DENND4C: variants seen among roughly 807,000 people sequenced by gnomAD.
DENND4C encodes the protein DENN domain-containing protein 4C.
DENND4C carries 108 observed loss-of-function variants against 203.0 expected under a neutral mutation model. The observed-to-expected ratio is 0.53, with a 90% CI of 0.46 to 0.62. DENND4C has a LOEUF of 0.62. Ranked by LOEUF, DENND4C falls within the 20% of genes least tolerant of loss-of-function variation. DENND4C has a pLI of 0.00. For synonymous variants in DENND4C, 871 were observed against 792.4 expected (o/e 1.10, Z -1.67); for missense variants, 2,481 against 2,301.2 (o/e 1.08, Z -1.60).
intron 10 of DENND4C, among the ~76,000 whole-genome samples, chr9:19,313,839 G>A (rs1242605090): frequency 6.6e-6 from 1 of 152,166 alleles, no homozygotes; most frequent in Non-Finnish European, 1.5e-5. Flanking sequence ...CAGGCATATA[G>A]TAATGAATTC....
intron 9 of DENND4C, among the ~76,000 whole-genome samples, chr9:19,304,541 A>AT (rs1277125184): frequency 1.5e-3 from 200 of 131,156 alleles, no homozygotes; most frequent in Middle Eastern, 4.7e-3. Context: ...AGAGTTACGA[A>AT]TTTTTTTTTT....
At chr9:19,357,185 A>G in intron 27 of DENND4C, 31 bp downstream of exon 27, 1 of 1,609,090 alleles carries the variant, frequency 6.2e-7, no homozygotes, top group South Asian at 1.1e-5. Context: ...CTCTTTATGT[A>G]GTAATAAATG....
intron 1 of DENND4C, among the ~76,000 whole-genome samples, chr9:19,242,101 C>G (rs770819219): frequency 2.6e-5 from 4 of 152,256 alleles, no homozygotes; most frequent in African/African-American, 7.2e-5. Flanking sequence ...TCCCCAAGCC[C>G]TTGGCAACTA....
chr9:19,276,684 T>C, intron 2 of DENND4C: 1 of 367,866 alleles, frequency 2.7e-6, no homozygotes, highest in Non-Finnish European at 4.8e-6. Context: ...TTGCCTTGAA[T>C]TGTTAGATCA....
chr9:19,267,493 C>A (rs918239661), intron 1 of DENND4C, among the ~76,000 whole-genome samples: 1 of 151,914 alleles, frequency 6.6e-6, no homozygotes, highest in Non-Finnish European at 1.5e-5. Context: ...CTGTGTGTAT[C>A]TTTATAGGTG....
intron 27 of DENND4C, chr9:19,357,508 T>C (rs1825675951): frequency 3.9e-6 from 1 of 253,518 alleles, no homozygotes; most frequent in African/African-American, 2.3e-5. Flanking sequence ...TGAGACTCTA[T>C]TGTATGCTAA....
At chr9:19,298,588 C>T (rs769687394) in intron 7 of DENND4C, among the ~76,000 whole-genome samples, 7 of 152,180 alleles carry the variant, frequency 4.6e-5, no homozygotes, top group African/African-American at 1.2e-4. Context: ...GCAACATGAA[C>T]AGGTCTATAT....
rs1823936173 is a variant in DENND4C, at chr9:19,350,772, C to T, written c.4388C>T (p.Pro1463Leu). Residue 1463 changes from proline (P) to leucine (L), a missense_variant, in exon 24 of 33, where the codon CCT (proline) becomes CTT (leucine). Pro to Leu is a moderately conservative substitution (Grantham distance 98). This residue lies in a region of DENND4C where 2,289 missense variants were observed against 2,113.3 expected (regional missense o/e 1.08). Coordinates refer to ENST00000434457, the MANE Select transcript of DENND4C (RefSeq NM_001330640.2). ...CATATTTTGGGGGAGAATATATCGC[C>T]TAACACAAGTATCTCAGGGTTGGTC... ...EDHILGENIS[P>L]NTSISGLVPS... is the part of the protein sequence containing the mutation. The T allele has an allele frequency of 6.2e-7, 1 of 1,613,750 alleles. No homozygotes were observed. The highest frequency in any genetic ancestry group is 1.3e-5 in the African/African-American group (1 of 74,810).
At chr9:19,286,738 A>G (rs963989812) in intron 2 of DENND4C, 31 bp from the exon 3 acceptor site, 27 of 1,228,634 alleles carry the variant, frequency 2.2e-5, no homozygotes, top group African/African-American at 1.4e-4. Context: ...GTATATATCT[A>G]TATCTATTTC....
chr9:19,352,262 A>G, intron 25 of DENND4C, 80 bp downstream of exon 25: 1 of 1,350,744 alleles, frequency 7.4e-7, no homozygotes, highest in Non-Finnish European at 1.0e-6. Context: ...CAGGATTCTA[A>G]GATACCCTTG....
intron 1 of DENND4C, among the ~76,000 whole-genome samples, chr9:19,260,849 A>G (rs1041050557): frequency 1.3e-5 from 2 of 152,070 alleles, no homozygotes; most frequent in African/African-American, 2.4e-5. Flanking sequence ...TGCTTTGGTT[A>G]CCTATGCTTT....
At chr9:19,347,671 A>G (rs867423274) in intron 23 of DENND4C, among the ~76,000 whole-genome samples, 1 of 152,252 alleles carries the variant, frequency 6.6e-6, no homozygotes, top group Non-Finnish European at 1.5e-5. Context: ...TAATGTAGAA[A>G]TAGAATATTG....
At chr9:19,235,470 T>C (rs1821700087) in intron 1 of DENND4C, among the ~76,000 whole-genome samples, 1 of 152,316 alleles carries the variant, frequency 6.6e-6, no homozygotes, top group South Asian at 2.1e-4. Flanking sequence ...ACTTATGATA[T>C]AAGAAGTAAT....
intron 30 of DENND4C, 59 bp from the exon 31 acceptor site, chr9:19,369,778 A>T (rs1828415235): frequency 1.4e-5 from 12 of 849,138 alleles, no homozygotes; most frequent in South Asian, 5.0e-5. Flanking sequence ...AAAAAAAAAA[A>T]ATAATAATAA....
At position 19,334,992 on chromosome 9, in the gene DENND4C, G is replaced by A; in HGVS notation, c.2476G>A (p.Val826Met). 1.9e-6 allele frequency: 3 copies of A among 1,603,002 alleles called. No individual in the cohort carries two copies. The highest frequency in any genetic ancestry group is 1.7e-6 in the Non-Finnish European group (2 of 1,176,624). The change falls in exon 18 of 33, where the codon GTG becomes ATG. Residue 826 changes from valine to methionine, a missense_variant. Transcript: ENST00000434457. ...DPLDEVCYRV[V>M]MQLCGLWGHP... ...TTTTTGTTAGGTGTGCTATCGAGTA[G>A]TGATGCAGCTTTGTGGACTTTGGGG...
At chr9:19,315,616 C>CGA (rs1841689609) in intron 10 of DENND4C, among the ~76,000 whole-genome samples, 1 of 150,314 alleles carries the variant, frequency 6.7e-6, no homozygotes, top group Non-Finnish European at 1.5e-5. Flanking sequence ...TATACACACA[C>CGA]ACATATATTT....
At chr9:19,336,868 C>T (rs773018145) in intron 20 of DENND4C, 36 bp downstream of exon 20, 21 of 1,526,924 alleles carry the variant, frequency 1.4e-5, no homozygotes, top group African/African-American at 1.4e-5. Flanking sequence ...CCTTCACTTA[C>T]TCTCATGTTA....
At chr9:19,260,572 A>G (rs2131758748) in intron 1 of DENND4C, among the ~76,000 whole-genome samples, 1 of 151,894 alleles carries the variant, frequency 6.6e-6, no homozygotes, top group African/African-American at 2.4e-5. Flanking sequence ...TAATTTTTGT[A>G]TTTTTAGTAG....
chr9:19,342,077 T>A (rs1821776904), intron 21 of DENND4C, among the ~76,000 whole-genome samples: 1 of 149,512 alleles, frequency 6.7e-6, no homozygotes, highest in Non-Finnish European at 1.5e-5. Context: ...TCAGCCAATA[T>A]TGTGCCATTG....
Sources: gnomAD v4.1 joint callset for allele counts (sites outside exome capture counted in the v4.1 genomes callset) on GRCh38, gnomAD v4.1.1 for gene constraint, gnomAD v4.1.1 regional missense constraint, MANE v1.5 for transcripts, NCBI Gene and HGNC (gene_info 2026-07-23, HGNC 2026-07-21) for gene names.